Variants in CPED1 observed in about 807,000 individuals in gnomAD.
The protein encoded by CPED1 is cadherin like and PC-esterase domain containing 1, also known as cadherin-like and PC-esterase domain-containing protein 1.
Under a neutral mutation model 128.2 loss-of-function variants are expected in CPED1, and 114 were observed. The observed-to-expected ratio is 0.89, with a 90% confidence interval of 0.76 to 1.04. The LOEUF (loss-of-function observed/expected upper bound fraction) is 1.04, where lower values mean the gene tolerates loss of function less well. Among genes scored for constraint, CPED1 ranks in the 50% least tolerant of loss-of-function variants. CPED1 has a pLI of 0.00. For synonymous variants in CPED1, 462 were observed against 426.7 expected (o/e 1.08, Z -1.02); for missense variants, 1,211 against 1,207.1 (o/e 1.00, Z -0.05).
intron 16 of CPED1, among the ~76,000 whole-genome samples, chr7:121,153,044 C>G (rs1690962070): frequency 6.6e-6 from 1 of 152,102 alleles, no homozygotes; most frequent in South Asian, 2.1e-4. Context: ...CCTTTCTTTA[C>G]TAAAACCGGA....
chr7:121,032,969 A>G (rs993878344), intron 3 of CPED1, among the ~76,000 whole-genome samples: 1 of 152,188 alleles, frequency 6.6e-6, no homozygotes, highest in East Asian at 1.9e-4. Context: ...CTCTGTATCT[A>G]AAGCATACAC....
At chr7:121,190,391 CAAA>C (rs368606501) in intron 16 of CPED1, among the ~76,000 whole-genome samples, 4 of 97,380 alleles carry the variant, frequency 4.1e-5, no homozygotes, top group African/African-American at 4.2e-5. Context: ...GACTCTGTAT[CAAA>C]AAAAAAAAAA....
chr7:121,182,329 T>A (rs1325666066), intron 16 of CPED1, among the ~76,000 whole-genome samples: 2 of 151,732 alleles, frequency 1.3e-5, no homozygotes, highest in Admixed American at 6.6e-5. Context: ...AAAAACAGAC[T>A]AGCTCTTAGC....
rs556529773 is a variant in CPED1, at chr7:121,087,993, C to T, written c.617-9706C>T. The stretch of plus-strand genomic sequence containing the variant: ...CAAGATTTTTAAAGCTAGGACTATA[C>T]TTCCCTAATATATTGAAAATGAATG... On this transcript the variant is annotated intron_variant, in intron 5 of 22. Transcript: ENST00000310396. Among the ~76,000 whole-genome samples the T allele has an allele frequency of 3.3e-5, 5 of 152,214 alleles. No homozygotes were observed. The East Asian group carries it at 9.7e-4, about 29-fold the overall frequency.
At chr7:121,190,780 A>C (rs535143932) in intron 16 of CPED1, among the ~76,000 whole-genome samples, 6 of 152,148 alleles carry the variant, frequency 3.9e-5, no homozygotes, top group Non-Finnish European at 8.8e-5. Context: ...TCTTTCAAAT[A>C]ATACAGTCTC....
intron 17 of CPED1, among the ~76,000 whole-genome samples, chr7:121,241,084 C>T (rs1798380931): frequency 8.3e-6 from 1 of 120,692 alleles, no homozygotes; most frequent in East Asian, 2.0e-4. Flanking sequence ...TGGCTCACGC[C>T]TGTAATCCCA....
chr7:121,241,454 C>A (rs1356397758), intron 17 of CPED1, among the ~76,000 whole-genome samples: 1 of 144,628 alleles, frequency 6.9e-6, no homozygotes, highest in Non-Finnish European at 1.5e-5. Flanking sequence ...TTTTGCCATT[C>A]AAAAACCAGC....
At chr7:121,029,993 C>T (rs1792689100) in intron 3 of CPED1, among the ~76,000 whole-genome samples, 1 of 151,986 alleles carries the variant, frequency 6.6e-6, no homozygotes, top group Non-Finnish European at 1.5e-5. Context: ...GCATAGTCTT[C>T]CTGTTTATAA....
intron 5 of CPED1, among the ~76,000 whole-genome samples, chr7:121,090,227 G>T (rs540742190): frequency 6.6e-6 from 1 of 152,284 alleles, no homozygotes; most frequent in South Asian, 2.1e-4. Context: ...TGGAAATTTT[G>T]TACAATGACT....
chr7:121,167,725 ATTTTTTTTTTTTTTTT>A (rs10588976), intron 16 of CPED1, among the ~76,000 whole-genome samples: 1 of 99,264 alleles, frequency 1.0e-5, no homozygotes, highest in Non-Finnish European at 2.0e-5. Flanking sequence ...TTTAAAGTCT[ATTTTTTTTTTTTTTTT>A]TTTTTTTTGA....
At chr7:121,171,058 A>G (rs557990852) in intron 16 of CPED1, among the ~76,000 whole-genome samples, 1 of 117,912 alleles carries the variant, frequency 8.5e-6, no homozygotes, top group Non-Finnish European at 1.9e-5. Flanking sequence ...TCAAATAAAT[A>G]CATAAAAAAA....
intron 2 of CPED1, among the ~76,000 whole-genome samples, chr7:121,015,333 G>A (rs1044454537): frequency 6.6e-6 from 1 of 152,152 alleles, no homozygotes; most frequent in Non-Finnish European, 1.5e-5. Context: ...CTTTATAAAA[G>A]CACAGTGCAG....
intron 3 of CPED1, among the ~76,000 whole-genome samples, chr7:121,019,150 A>G (rs775779097): frequency 6.6e-6 from 1 of 152,068 alleles, no homozygotes; most frequent in Non-Finnish European, 1.5e-5. Flanking sequence ...CGAGTCCTAC[A>G]TTAGAATATG....
chr7:121,060,365 G>A (rs1035710005), intron 4 of CPED1, among the ~76,000 whole-genome samples: 4 of 152,254 alleles, frequency 2.6e-5, no homozygotes, highest in South Asian at 2.1e-4. Context: ...TGCAGCCCCC[G>A]GTGCGGGATC....
chr7:121,148,572 T>C (rs1331965065), intron 16 of CPED1, among the ~76,000 whole-genome samples: 1 of 152,156 alleles, frequency 6.6e-6, no homozygotes, highest in Non-Finnish European at 1.5e-5. Flanking sequence ...TGACTTCAAA[T>C]TGAGGAAGAA....
chr7:121,049,593 GCA>G (rs1241614225), intron 4 of CPED1, among the ~76,000 whole-genome samples: 2 of 152,212 alleles, frequency 1.3e-5, no homozygotes, highest in Non-Finnish European at 2.9e-5. Flanking sequence ...TGAATATTTA[GCA>G]CAATAAGCTA....
chr7:120,989,089 A>C (rs1796267277), intron 1 of CPED1, 177 bp downstream of exon 1: 1 of 155,460 alleles, frequency 6.4e-6, no homozygotes, highest in Non-Finnish European at 1.4e-5. Context: ...GGCTGAAAGC[A>C]AGACTGCTTT....
Position 121,124,328 on chromosome 7 carries a change from C to T in CPED1, c.919-3C>T. 1.2e-6 allele frequency: 2 copies of T among 1,603,354 alleles called. No homozygotes were observed. Among genetic ancestry groups the T allele is most frequent in the Non-Finnish European group, 1.7e-6 (2 of 1,175,698 alleles). On this transcript the variant is annotated splice_polypyrimidine_tract_variant and splice_region_variant and intron_variant, in intron 7 of 22. Transcript: ENST00000310396. ...ACACGTGAATCCTTTACTTTGTTCA[C>T]AGCTGCAAACATTTTTTGAGACATT...
chr7:121,271,072 A>G (rs1249311655), intron 21 of CPED1, among the ~76,000 whole-genome samples: 1 of 152,096 alleles, frequency 6.6e-6, no homozygotes, highest in African/African-American at 2.4e-5. Flanking sequence ...GTCACTGTAG[A>G]TATTGCTGTT....
Sources: gnomAD v4.1 joint callset for allele counts (sites outside exome capture counted in the v4.1 genomes callset) on GRCh38, gnomAD v4.1.1 for gene constraint, MANE v1.5 for transcripts, NCBI Gene and HGNC (gene_info 2026-07-23, HGNC 2026-07-21) for gene names.